NOXA1: variants seen among roughly 807,000 people sequenced by gnomAD.
NOXA1 encodes NADPH oxidase activator 1, also known as NCF2-like protein.
Under a neutral mutation model 64.8 loss-of-function variants are expected in NOXA1, and 56 were observed. That is an observed-to-expected ratio of 0.86 (90% CI 0.70 to 1.08). NOXA1 has a LOEUF of 1.08. Among genes scored for constraint, NOXA1 ranks in the 50% least tolerant of loss-of-function variants. NOXA1 has a pLI of 0.00. For synonymous variants in NOXA1, 295 were observed against 294.8 expected, an observed-to-expected ratio of 1.00 and a Z score of -0.01; for missense variants, 668 against 658.5, an observed-to-expected ratio of 1.01 and a Z score of -0.16.
chr9:137,430,107 G>T (rs1839037241), intron 5 of NOXA1, among the ~76,000 whole-genome samples: 4 of 141,336 alleles, frequency 2.8e-5, no homozygotes. Flanking sequence ...GTCCCGGGGG[G>T]TCTCCCTGTG....
Position 137,428,095 on chromosome 9 carries a change from T to A in NOXA1, c.323T>A (p.Ile108Asn). 1.3e-6 allele frequency: 2 copies of A among 1,586,224 alleles called. No individual in the cohort carries two copies. Among genetic ancestry groups the A allele is most frequent in the Non-Finnish European group, 1.7e-6 (2 of 1,167,852 alleles). ...ALEQLRGHAA[I>N]DYTQLGLRFK... The stretch of plus-strand genomic sequence containing the variant: ...GAGCAGCTGAGGGGCCACGCTGCCA[T>A]CGACTACACGCAGCTGGGCCTGCGG... The change falls in exon 3 of 14, where the codon ATC becomes AAC. Residue 108 changes from isoleucine (I) to asparagine (N), a missense_variant. Transcript: ENST00000683555.
Position 137,433,223 on chromosome 9 carries a change from G to C in NOXA1, c.869G>C (p.Gly290Ala). The stretch of plus-strand genomic sequence containing the variant: ...CCTACAGGGCTGCCGGCAATGGGGG[G>C]GCCTGGCCCCGGCCCCTGTGAGGAC... ...PLSPGLPAMG[G>A]PGPGPCEDPA... is the part of the protein sequence containing the mutation. Residue 290 changes from glycine (G) to alanine (A), a missense_variant, in exon 10 of 14, where the codon GGG becomes GCG. Gly to Ala is a moderately conservative substitution (Grantham distance 60, BLOSUM62 0). Coordinates refer to ENST00000683555, the MANE Select transcript of NOXA1 (RefSeq NM_001256067.2). 1 of 1,605,862 alleles carries C rather than the reference G, an allele frequency of 6.2e-7. No homozygotes were observed.
Position 137,423,430 on chromosome 9 carries a change from G to T in NOXA1, c.-100G>T. 1.3e-6 allele frequency: 1 copy of T among 777,658 alleles called. No individual in the cohort carries two copies. The allele number at this position is 777,658 out of a possible 1,614,324, so 48.2% of individuals were successfully genotyped here. On this transcript the variant is annotated 5_prime_UTR_variant, in exon 1 of 14. Transcript: ENST00000683555. Reference sequence around the variant, plus strand: ...CCTGGCGCTTGGCGCCCGCACCTCTGCCCGCCTCGGAGACCCCGCAGCCCC... The same window carrying T: ...CCTGGCGCTTGGCGCCCGCACCTCTTCCCGCCTCGGAGACCCCGCAGCCCC...
chr9:137,426,392 C>T, intron 2 of NOXA1, 62 bp downstream of exon 2: 1 of 1,296,684 alleles, frequency 7.7e-7, no homozygotes, highest in Non-Finnish European at 1.1e-6. Context: ...AGAGTCCACT[C>T]CTGCACCTCC....
Position 137,431,782 on chromosome 9 carries a change from C to T in NOXA1, c.804+441C>T, listed in dbSNP as rs1026041108. Among the ~76,000 whole-genome samples, 3 of 152,182 alleles carry T rather than the reference C, an allele frequency of 2.0e-5. No homozygotes were observed. Among genetic ancestry groups the T allele is most frequent in the South Asian group, 4.1e-4 (2 of 4,828 alleles). On this transcript the variant is annotated intron_variant, in intron 8 of 13. Transcript: ENST00000683555. The surrounding 1 kb of genome is among the most constrained non-coding windows in gnomAD (Gnocchi z 5.6). Reference sequence around the variant, plus strand: ...ATCCCCCGAGTCCTCCCGGACACCCCGGCACCTGGGGAGAGGCGGAGGAAG... The same window carrying T: ...ATCCCCCGAGTCCTCCCGGACACCCTGGCACCTGGGGAGAGGCGGAGGAAG...
At chr9:137,425,130 C>T (rs962584455) in intron 1 of NOXA1, among the ~76,000 whole-genome samples, 1 of 152,210 alleles carries the variant, frequency 6.6e-6, no homozygotes, top group Admixed American at 6.5e-5. Flanking sequence ...CGCCACACTT[C>T]ACACCTGTGT....
chr9:137,434,006 G>A lies in NOXA1; in HGVS notation c.1221G>A (p.Gln407=). The change falls in exon 13 of 14, where the codon CAG becomes CAA. Residue 407 remains glutamine (Q), a synonymous_variant. Transcript: ENST00000683555. ...CGGTCCTCTACCAGGTGGTGGCCCA[G>A]CACAGCTACTCCGCCCAGGGGCCAG... ...GRPVLYQVVA[Q]HSYSAQGPED... is the part of the protein sequence containing the mutation. 6.4e-7 allele frequency: 1 copy of A among 1,566,996 alleles called. No individual in the cohort carries two copies.
chr9:137,433,611 G>A lies in NOXA1; in HGVS notation c.1064+4G>A. 1 of 1,543,666 alleles carries A rather than the reference G, an allele frequency of 6.5e-7. No homozygotes were observed. Among genetic ancestry groups the A allele is most frequent in the East Asian group, 2.4e-5 (1 of 41,146 alleles). On this transcript the variant is annotated splice_donor_region_variant and intron_variant, in intron 11 of 13. Coordinates refer to ENST00000683555, the MANE Select transcript of NOXA1 (RefSeq NM_001256067.2). ...AGGCCCAGCTTGGGCAACTCAGGTG[G>A]GCCAGAAAGCCCCCGGTGGCTGCGG...
chr9:137,432,937 C>A, intron 8 of NOXA1, 92 bp from the exon 9 acceptor site: 2 of 1,413,020 alleles, frequency 1.4e-6, no homozygotes, highest in Non-Finnish European at 2.0e-6. Flanking sequence ...GCCGGGCACA[C>A]AGGCCACACC....
Position 137,431,392 on chromosome 9 carries a change from C to T in NOXA1, c.804+51C>T. The T allele has an allele frequency of 7.0e-7, 1 of 1,434,702 alleles. No homozygotes were observed. The highest frequency in any genetic ancestry group is 9.7e-7 in the Non-Finnish European group (1 of 1,031,280). The allele number at this position is 1,434,702 out of a possible 1,614,324, so 88.9% of individuals were successfully genotyped here. On this transcript the variant is annotated intron_variant, in intron 8 of 13. Coordinates refer to ENST00000683555, the MANE Select transcript of NOXA1 (RefSeq NM_001256067.2). This position sits in a 1 kb window ranked among gnomAD's most constrained non-coding sequence, Gnocchi z 5.6. ...TGCTGGGGGTCGGTGCTTCTGCTGC[C>T]TCCGCAGACTGGGGACCACAATGGG... is the stretch of plus-strand genomic sequence containing the variant.
chr9:137,426,316 C>A lies in NOXA1; in HGVS notation c.246C>A (p.Asn82Lys), dbSNP rs1307616746. 2.5e-6 allele frequency: 4 copies of A among 1,613,788 alleles called. No individual in the cohort carries two copies. Among genetic ancestry groups the A allele is most frequent in the South Asian group, 1.1e-5 (1 of 91,084 alleles). Residue 82 changes from asparagine (N) to lysine (K), a missense_variant, in exon 2 of 14, where the codon AAC (asparagine) becomes AAA (lysine). Physicochemically the swap from Asn to Lys is moderately conservative, Grantham distance 94. Transcript: ENST00000683555. ...GCTTCTTCCAGCGAGGAGTGGCCAA[C>A]TTCCAGCTGGCAAGGTGAGTACAGG... ...AVGFFQRGVANFQLARFQEAL... is the reference protein window; with the variant it reads ...AVGFFQRGVAKFQLARFQEAL...
At chr9:137,425,898 G>T (rs1488191754) in intron 1 of NOXA1, among the ~76,000 whole-genome samples, 2 of 151,518 alleles carry the variant, frequency 1.3e-5, no homozygotes, top group African/African-American at 4.9e-5. Context: ...ATTTTTAAAA[G>T]ACAAAAATCT....
At chr9:137,429,770 G>C (rs542972254) in intron 5 of NOXA1, among the ~76,000 whole-genome samples, 3 of 136,486 alleles carry the variant, frequency 2.2e-5, no homozygotes, top group African/African-American at 8.4e-5. Context: ...GCGAGGTCCC[G>C]GGGGGGTCCC....
In NOXA1 at chr9:137,434,396, C is replaced by A. The variant is rs1464781603; in HGVS notation, c.*36C>A. 3.3e-6 allele frequency: 5 copies of A among 1,536,240 alleles called. No homozygotes were observed. In the East Asian group the frequency reaches 1.2e-4, roughly 35 times the overall value. ...TCCATGATGCTTTTAATAAAAACAA[C>A]CCCCACTGCAGTCTCACCCTCCAAG... is the stretch of plus-strand genomic sequence containing the variant. On this transcript the variant is annotated 3_prime_UTR_variant, in exon 14 of 14. Transcript: ENST00000683555.
Position 137,431,500 on chromosome 9 carries a change from A to G in NOXA1, c.804+159A>G, listed in dbSNP as rs1249410303. Among the ~76,000 whole-genome samples the G allele has an allele frequency of 6.6e-6, 1 of 152,164 alleles. No individual in the cohort carries two copies. Among genetic ancestry groups the G allele is most frequent in the Non-Finnish European group, 1.5e-5 (1 of 68,008 alleles). On this transcript the variant is annotated intron_variant, in intron 8 of 13. Transcript: ENST00000683555. This position sits in a 1 kb window ranked among gnomAD's most constrained non-coding sequence, Gnocchi z 5.6. ...CGTGGTCCTGGCCCAGCCCAGCCAG[A>G]TGGGAGGATGCCTGGCTGTGCCCGA...
Position 137,428,145 on chromosome 9 carries a change from A to G in NOXA1, c.369+4A>G. The G allele has an allele frequency of 6.4e-7, 1 of 1,553,908 alleles. No individual in the cohort carries two copies. The highest frequency in any genetic ancestry group is 8.7e-7 in the Non-Finnish European group (1 of 1,148,124). The stretch of plus-strand genomic sequence containing the variant: ...GTTCAAGCTGCAAGCCTGGGAGGTG[A>G]GGCCGGGCAGGGCTCACTGTGCTGC... On this transcript the variant is annotated splice_donor_region_variant and intron_variant, in intron 3 of 13. Coordinates refer to ENST00000683555, the MANE Select transcript of NOXA1 (RefSeq NM_001256067.2).
intron 2 of NOXA1, among the ~76,000 whole-genome samples, chr9:137,426,782 A>G (rs1838862650): frequency 6.6e-6 from 1 of 152,210 alleles, no homozygotes. Context: ...AAATTCTGTA[A>G]AAGATATTTA....
At chr9:137,424,977 G>A (rs1478670409) in intron 1 of NOXA1, among the ~76,000 whole-genome samples, 1 of 152,244 alleles carries the variant, frequency 6.6e-6, no homozygotes, top group Non-Finnish European at 1.5e-5. Flanking sequence ...AGCCGATCAC[G>A]TGAGGGGCAG....
chr9:137,429,464 C>G, intron 5 of NOXA1, 81 bp downstream of exon 5: 1 of 989,136 alleles, frequency 1.0e-6, no homozygotes, highest in Non-Finnish European at 1.5e-6. Flanking sequence ...GGGGGAGGTG[C>G]AGTCCAGGCC....
Sources: gnomAD v4.1 joint callset for allele counts (sites outside exome capture counted in the v4.1 genomes callset) on GRCh38, gnomAD v4.1.1 for gene constraint, Gnocchi (gnomAD v3.1) non-coding constraint, MANE v1.5 for transcripts, NCBI Gene and HGNC (gene_info 2026-07-23, HGNC 2026-07-21) for gene names.